Variants in ZRANB3 observed in about 807,000 individuals in gnomAD.
ZRANB3 encodes the protein zinc finger RANBP2-type containing 3, also known as DNA annealing helicase and endonuclease ZRANB3.
A neutral mutation model predicts 133.8 loss-of-function variants in ZRANB3; 125 were observed. The observed-to-expected ratio is 0.93, with a 90% CI of 0.81 to 1.08. ZRANB3 has a LOEUF of 1.08. Ranked by LOEUF, ZRANB3 falls within the 50% of genes least tolerant of loss-of-function variation. The pLI is 0.00. For synonymous variants in ZRANB3, 387 were observed against 432.7 expected (o/e 0.89, Z 1.31); for missense variants, 1,229 against 1,275.5 (o/e 0.96, Z 0.56).
intron 8 of ZRANB3, among the ~76,000 whole-genome samples, chr2:135,299,735 A>G (rs1474357187): frequency 6.6e-6 from 1 of 152,232 alleles, no homozygotes; most frequent in Admixed American, 6.5e-5. Flanking sequence ...GAAGTACTTC[A>G]AAAGGCAGAC....
At chr2:135,361,377 T>G (rs899430808) in intron 3 of ZRANB3, among the ~76,000 whole-genome samples, 1 of 152,240 alleles carries the variant, frequency 6.6e-6, no homozygotes, top group Non-Finnish European at 1.5e-5. Flanking sequence ...CATCAATGTT[T>G]TCAAAATTGT....
chr2:135,316,983 A>AAAAAAAT (rs35114507), intron 6 of ZRANB3, among the ~76,000 whole-genome samples: 233 of 131,440 alleles, frequency 1.8e-3, no homozygotes, highest in African/African-American at 7.0e-3. Flanking sequence ...AAAAAAAAAA[A>AAAAAAAT]ATATATATAT....
At chr2:135,426,467 A>G (rs1329237345) in intron 2 of ZRANB3, among the ~76,000 whole-genome samples, 1 of 152,132 alleles carries the variant, frequency 6.6e-6, no homozygotes, top group East Asian at 1.9e-4. Context: ...AACAGAATCC[A>G]GCAGCACATC....
intron 2 of ZRANB3, among the ~76,000 whole-genome samples, chr2:135,481,309 A>G (rs1401712077): frequency 1.3e-5 from 2 of 151,310 alleles, no homozygotes; most frequent in Non-Finnish European, 2.9e-5. Context: ...TTGCCATTCT[A>G]ACTGGTGTGA....
At chr2:135,444,453 G>T (rs1689928218) in intron 2 of ZRANB3, among the ~76,000 whole-genome samples, 2 of 152,100 alleles carry the variant, frequency 1.3e-5, no homozygotes, top group African/African-American at 4.8e-5. Context: ...ACAAACTACT[G>T]ATTTATACAA....
chr2:135,471,911 T>C (rs1341679510), intron 2 of ZRANB3, among the ~76,000 whole-genome samples: 1 of 152,216 alleles, frequency 6.6e-6, no homozygotes, highest in African/African-American at 2.4e-5. Flanking sequence ...ACATTTTCCA[T>C]TGAATTATTT....
At chr2:135,233,693 A>G (rs1452500379) in intron 12 of ZRANB3, among the ~76,000 whole-genome samples, 3 of 152,318 alleles carry the variant, frequency 2.0e-5, no homozygotes, top group African/African-American at 4.8e-5. Flanking sequence ...CAGCCAAACT[A>G]AGCTTCATAA....
chr2:135,510,683 C>T lies in ZRANB3; in HGVS notation c.-7-6187G>A, dbSNP rs528257790. The T allele has an allele frequency of 1.1e-5, 9 of 792,328 alleles. No individual in the cohort carries two copies. The Admixed American group carries it at 1.5e-4, about 14-fold the overall frequency. The allele number at this position is 792,328 out of a possible 1,614,324, so 49.1% of individuals were successfully genotyped here. A position where few individuals can be genotyped will look rare whatever the true frequency, so the allele number is the denominator to read the frequency against. Reference sequence around the variant, plus strand: ...CCCCTAAGGCGATCATCTCGTCAGTCCCCTTCCCTGGCAGCTCGAGTCTTC... The same window carrying T: ...CCCCTAAGGCGATCATCTCGTCAGTTCCCTTCCCTGGCAGCTCGAGTCTTC... On this transcript the variant is annotated intron_variant, in intron 1 of 20. Transcript: ENST00000264159.
At chr2:135,523,061 C>G (rs1486727226) in intron 1 of ZRANB3, among the ~76,000 whole-genome samples, 1 of 152,320 alleles carries the variant, frequency 6.6e-6, no homozygotes, top group Admixed American at 6.5e-5. Flanking sequence ...AATATCCAAA[C>G]AGACATTTTT....
At chr2:135,261,876 T>C (rs1170209397) in intron 12 of ZRANB3, among the ~76,000 whole-genome samples, 1 of 152,028 alleles carries the variant, frequency 6.6e-6, no homozygotes, top group Non-Finnish European at 1.5e-5. Flanking sequence ...GAAAGAAACC[T>C]TGGCTGGGCA....
chr2:135,261,698 T>C (rs1309547635), intron 12 of ZRANB3, among the ~76,000 whole-genome samples: 2 of 152,228 alleles, frequency 1.3e-5, no homozygotes, highest in African/African-American at 4.8e-5. Context: ...GGAAGATTTA[T>C]TTCAAATTCT....
chr2:135,230,809 G>C lies in ZRANB3; in HGVS notation c.1658C>G (p.Ser553Ter). 1 of 1,613,832 alleles carries C rather than the reference G, an allele frequency of 6.2e-7. No individual in the cohort carries two copies. Among genetic ancestry groups the C allele is most frequent in the Non-Finnish European group, 8.5e-7 (1 of 1,179,866 alleles). Residue 553 changes from serine to a stop codon, truncating the protein, a stop_gained, in exon 13 of 21, where the codon TCA becomes TGA. Transcript: ENST00000264159. LOFTEE classifies it high-confidence loss of function. ...KRFREENTVV[S>*]SDPTKTAARD... ...TGCAGCTGTTTTTGTAGGGTCTGAT[G>C]ACACTACAGTATTTTCCTCCCGGAA...
At chr2:135,295,359 GT>G (rs1456173389) in intron 8 of ZRANB3, among the ~76,000 whole-genome samples, 1 of 151,946 alleles carries the variant, frequency 6.6e-6, no homozygotes, top group Non-Finnish European at 1.5e-5. Flanking sequence ...TTTGATCTTT[GT>G]TGGTTTAAAG....
chr2:135,414,330 A>G (rs1688452436), intron 2 of ZRANB3, among the ~76,000 whole-genome samples: 1 of 152,210 alleles, frequency 6.6e-6, no homozygotes, highest in Non-Finnish European at 1.5e-5. Context: ...CAGACTTTAA[A>G]CCAACAAAGA....
chr2:135,471,317 C>T (rs7605229), intron 2 of ZRANB3, among the ~76,000 whole-genome samples: 46,804 of 151,972 alleles, frequency 0.31, 11,167 homozygotes, highest in African/African-American at 0.65. Context: ...CACTGTAACA[C>T]ATAATTTCCC....
rs1189529531 is a variant in ZRANB3, at chr2:135,227,823, T to G, written c.2147A>C (p.Gln716Pro). The G allele has an allele frequency of 6.4e-7, 1 of 1,572,894 alleles. No homozygotes were observed. Among genetic ancestry groups the G allele is most frequent in the Admixed American group, 1.9e-5 (1 of 53,724 alleles). The part of the protein sequence containing the change: ...KIEKEDGLTS[Q>P]PGNEQWKSSD... ...GAAACAAGACTTACCATTACCTGGC[T>G]GGGATGTAAGTCCGTCTTCTTTCTC... Residue 716 changes from glutamine (Q) to proline (P), a missense_variant, in exon 14 of 21, where the codon CAG (glutamine) becomes CCG (proline). Transcript: ENST00000264159.
intron 6 of ZRANB3, among the ~76,000 whole-genome samples, chr2:135,343,265 G>A (rs1185551072): frequency 6.7e-6 from 1 of 148,284 alleles, no homozygotes; most frequent in East Asian, 1.9e-4. Flanking sequence ...AGATGATGAG[G>A]TTTCTCTTTG....
chr2:135,514,731 G>A (rs1472581611), intron 1 of ZRANB3, among the ~76,000 whole-genome samples: 2 of 152,188 alleles, frequency 1.3e-5, no homozygotes, highest in Non-Finnish European at 2.9e-5. Context: ...CAAAGAGAAT[G>A]TTTCCAGCTT....
At chr2:135,424,101 G>A (rs990591351) in intron 2 of ZRANB3, among the ~76,000 whole-genome samples, 24 of 152,150 alleles carry the variant, frequency 1.6e-4, no homozygotes, top group African/African-American at 5.3e-4. Context: ...GATTTAAAAA[G>A]AAAAGAAATT....
Sources: allele counts gnomAD v4.1 joint callset (sites outside exome capture counted in the v4.1 genomes callset), GRCh38; gene constraint gnomAD v4.1.1; transcripts MANE v1.5; gene names NCBI Gene and HGNC (gene_info 2026-07-23, HGNC 2026-07-21).